Variants in VPS54 observed in about 807,000 individuals in gnomAD.
VPS54 encodes vacuolar protein sorting-associated protein 54.
VPS54 carries 45 observed loss-of-function variants against 121.5 expected under a neutral mutation model. The ratio of observed to expected loss-of-function variants is 0.37; its 90% CI spans 0.29 to 0.47. The LOEUF (loss-of-function observed/expected upper bound fraction) is 0.47, where lower values mean the gene tolerates loss of function less well. VPS54 is among the 20% of genes least tolerant of loss of function. The pLI is 0.99. For missense variants in VPS54, 1,090 were observed against 1,131.4 expected, an observed-to-expected ratio of 0.96 and a Z score of 0.52; for synonymous variants, 371 against 385.8, an observed-to-expected ratio of 0.96 and a Z score of 0.45.
chr2:64,017,701 T>C (rs1025898872), intron 1 of VPS54, among the ~76,000 whole-genome samples: 1 of 152,250 alleles, frequency 6.6e-6, no homozygotes, highest in African/African-American at 2.4e-5. Context: ...TTTAAAAAAG[T>C]GATCCTCAGA....
At chr2:63,975,930 G>A (rs1676505746) in intron 3 of VPS54, among the ~76,000 whole-genome samples, 1 of 152,194 alleles carries the variant, frequency 6.6e-6, no homozygotes, top group South Asian at 2.1e-4. Flanking sequence ...GTTTTTAGTA[G>A]AGATGAGTTT....
intron 1 of VPS54, among the ~76,000 whole-genome samples, chr2:64,006,214 T>C (rs1213378687): frequency 6.6e-6 from 1 of 152,150 alleles, no homozygotes; most frequent in Non-Finnish European, 1.5e-5. Flanking sequence ...AATGAGCAAA[T>C]GAATGAATAT....
chr2:63,930,599 G>A (rs539517441), intron 12 of VPS54, among the ~76,000 whole-genome samples: 3 of 152,166 alleles, frequency 2.0e-5, no homozygotes, highest in Non-Finnish European at 2.9e-5. Context: ...TTTGAAAACC[G>A]GCACAAGACA....
intron 12 of VPS54, among the ~76,000 whole-genome samples, chr2:63,931,104 G>C (rs1204250423): frequency 1.3e-5 from 2 of 152,140 alleles, no homozygotes; most frequent in Non-Finnish European, 2.9e-5. Flanking sequence ...GTAATTTATA[G>C]ATTCAATGCC....
chr2:63,913,062 T>C (rs1274693940), intron 18 of VPS54, among the ~76,000 whole-genome samples, 161 bp downstream of exon 18: 1 of 152,160 alleles, frequency 6.6e-6, no homozygotes, highest in Non-Finnish European at 1.5e-5. Flanking sequence ...TGGTTAGTTT[T>C]TTTCAGTGAT....
At chr2:63,983,745 C>CG in intron 2 of VPS54, 119 bp downstream of exon 2, 1 of 1,345,788 alleles carries the variant, frequency 7.4e-7, no homozygotes, top group Non-Finnish European at 9.9e-7. Context: ...CCCGGCCCCC[C>CG]CAAATGATTT....
At chr2:63,943,251 C>T (rs1406679394) in intron 10 of VPS54, among the ~76,000 whole-genome samples, 3 of 151,902 alleles carry the variant, frequency 2.0e-5, no homozygotes, top group African/African-American at 7.3e-5. Flanking sequence ...AAATTCATTC[C>T]CTAAAGATAT....
Position 64,007,043 on chromosome 2 carries a change from C to T in VPS54, c.-21+11895G>A, listed in dbSNP as rs890518897. ...TCTGGCGTCCTTTTCTTTGCTTGAGCATTCCTAATCCTGGAGAGAGAGGTG... is the reference window on the plus strand; with the variant it reads ...TCTGGCGTCCTTTTCTTTGCTTGAGTATTCCTAATCCTGGAGAGAGAGGTG... On this transcript the variant is annotated intron_variant, in intron 1 of 22. Coordinates refer to ENST00000272322, the MANE Select transcript of VPS54 (RefSeq NM_016516.3). Among the ~76,000 whole-genome samples, 10 of 152,328 alleles carry T rather than the reference C, an allele frequency of 6.6e-5. No individual in the cohort carries two copies. The East Asian group carries it at 1.9e-3, about 29-fold the overall frequency.
At chr2:63,948,420 T>G (rs1204908731) in intron 8 of VPS54, among the ~76,000 whole-genome samples, 3 of 149,136 alleles carry the variant, frequency 2.0e-5, no homozygotes, top group East Asian at 2.0e-4. Context: ...TTCGGTTTTT[T>G]TTTTTTTTTT....
chr2:63,945,712 G>A (rs1327683342), intron 9 of VPS54, among the ~76,000 whole-genome samples: 1 of 152,094 alleles, frequency 6.6e-6, no homozygotes, highest in East Asian at 1.9e-4. Flanking sequence ...ATTCAAAACT[G>A]TTCAAAATCC....
intron 1 of VPS54, among the ~76,000 whole-genome samples, chr2:63,990,986 T>A (rs949083589): frequency 1.3e-5 from 2 of 152,200 alleles, no homozygotes; most frequent in South Asian, 4.1e-4. Flanking sequence ...TTAAAGCATT[T>A]ACAATTTCGT....
At chr2:64,005,228 C>A (rs905753757) in intron 1 of VPS54, among the ~76,000 whole-genome samples, 2 of 149,012 alleles carry the variant, frequency 1.3e-5, no homozygotes, top group African/African-American at 5.0e-5. Flanking sequence ...CTCAGCCTCC[C>A]GAGTAGCTGG....
At chr2:63,956,603 C>G (rs897939024) in intron 7 of VPS54, among the ~76,000 whole-genome samples, 1 of 152,130 alleles carries the variant, frequency 6.6e-6, no homozygotes, top group Non-Finnish European at 1.5e-5. Flanking sequence ...AGCTCTCAAG[C>G]CCAGTGAGAC....
At chr2:63,934,625 A>C (rs1017066778) in intron 11 of VPS54, among the ~76,000 whole-genome samples, 1 of 152,138 alleles carries the variant, frequency 6.6e-6, no homozygotes, top group Non-Finnish European at 1.5e-5. Flanking sequence ...CCTTCCCTGA[A>C]TCTCCACCCA....
chr2:63,939,972 G>A (rs1323585971), intron 11 of VPS54, among the ~76,000 whole-genome samples: 1 of 152,076 alleles, frequency 6.6e-6, no homozygotes, highest in Non-Finnish European at 1.5e-5. Context: ...TGGCCAGGAT[G>A]GTCTCGATCT....
At chr2:63,910,356 A>AT (rs1009389216) in intron 20 of VPS54, among the ~76,000 whole-genome samples, 2 of 152,148 alleles carry the variant, frequency 1.3e-5, no homozygotes, top group South Asian at 2.1e-4. Flanking sequence ...AATGATATAT[A>AT]TTTTTTTAAA....
intron 7 of VPS54, among the ~76,000 whole-genome samples, chr2:63,958,057 T>C (rs1331279571): frequency 1.3e-5 from 2 of 152,156 alleles, no homozygotes; most frequent in Admixed American, 6.5e-5. Flanking sequence ...GAATAAAGTG[T>C]CAAGATACAT....
chr2:63,908,761 A>C (rs191023949), intron 20 of VPS54, among the ~76,000 whole-genome samples: 82 of 152,362 alleles, frequency 5.4e-4, no homozygotes, highest in African/African-American at 1.9e-3. Context: ...ATAAAAGGAA[A>C]GCAATCCACA....
chr2:63,990,695 A>T (rs1342382003), intron 1 of VPS54, among the ~76,000 whole-genome samples: 1 of 152,142 alleles, frequency 6.6e-6, no homozygotes, highest in East Asian at 1.9e-4. Context: ...TCAGATACCT[A>T]CTCTTGAAAC....
Sources: allele counts gnomAD v4.1 joint callset (sites outside exome capture counted in the v4.1 genomes callset), GRCh38; gene constraint gnomAD v4.1.1; transcripts MANE v1.5; gene names NCBI Gene and HGNC (gene_info 2026-07-23, HGNC 2026-07-21).